Variants in MPP7 observed in about 807,000 individuals in gnomAD.
The protein encoded by MPP7 is MAGUK p55 subfamily member 7.
In MPP7, 60 loss-of-function variants were observed where a neutral mutation model predicts 76.5. That is an observed-to-expected ratio of 0.78 (90% CI 0.64 to 0.97). The LOEUF (loss-of-function observed/expected upper bound fraction) is 0.97, where lower values mean the gene tolerates loss of function less well. Ranked by LOEUF, MPP7 falls within the 50% of genes least tolerant of loss-of-function variation. The pLI is 0.00. For missense variants in MPP7, 641 were observed against 694.0 expected (o/e 0.92, Z 0.86); for synonymous variants, 237 against 244.5 (o/e 0.97, Z 0.29).
intron 2 of MPP7, among the ~76,000 whole-genome samples, chr10:28,317,027 A>G (rs1834331341): frequency 6.6e-6 from 1 of 152,162 alleles, no homozygotes; most frequent in Admixed American, 6.6e-5. Flanking sequence ...AAAAGGGGGA[A>G]GAACTGTGAG....
chr10:28,273,216 C>T (rs1284666003), intron 1 of MPP7, among the ~76,000 whole-genome samples: 1 of 152,134 alleles, frequency 6.6e-6, no homozygotes, highest in Non-Finnish European at 1.5e-5. Flanking sequence ...CCACACCCAG[C>T]CCCAAAATGT....
chr10:28,153,400 A>G (rs1207558221), intron 3 of MPP7, among the ~76,000 whole-genome samples: 1 of 152,222 alleles, frequency 6.6e-6, no homozygotes, highest in Non-Finnish European at 1.5e-5. Context: ...TTAATTTTAT[A>G]TAACAGTTAT....
intron 3 of MPP7, among the ~76,000 whole-genome samples, chr10:28,188,972 G>C (rs1054483615): frequency 2.0e-5 from 3 of 151,260 alleles, no homozygotes; most frequent in African/African-American, 7.3e-5. Context: ...TAAAAAGGAA[G>C]TTTGTCAGAG....
At chr10:28,317,332 A>C (rs1834333578) in intron 2 of MPP7, among the ~76,000 whole-genome samples, 1 of 152,178 alleles carries the variant, frequency 6.6e-6, no homozygotes, top group Admixed American at 6.5e-5. Context: ...GTCCAAGACC[A>C]ACCTGGGCAA....
chr10:28,057,407 G>A (rs1029244761), intron 15 of MPP7, among the ~76,000 whole-genome samples: 5 of 152,060 alleles, frequency 3.3e-5, no homozygotes, highest in East Asian at 3.9e-4. Flanking sequence ...GTCAGTTCTC[G>A]TGAGACCCTG....
intron 8 of MPP7, among the ~76,000 whole-genome samples, chr10:28,121,128 C>T (rs924370237): frequency 5.3e-5 from 8 of 152,010 alleles, no homozygotes; most frequent in Non-Finnish European, 1.2e-4. Context: ...TATAGCAAAA[C>T]CCCTGTCTCT....
chr10:28,122,513 C>T (rs189246758), intron 8 of MPP7, among the ~76,000 whole-genome samples: 4 of 152,240 alleles, frequency 2.6e-5, no homozygotes, highest in Admixed American at 2.6e-4. Context: ...TTTATCCCAT[C>T]CCCAAATCAT....
chr10:28,065,571 C>G (rs1851957016), intron 13 of MPP7, among the ~76,000 whole-genome samples: 1 of 152,150 alleles, frequency 6.6e-6, no homozygotes, highest in African/African-American at 2.4e-5. Context: ...GACTCCATCA[C>G]AGCTCACTGA....
rs539787363 is a variant in MPP7, at chr10:28,315,857, G to A, written c.-132+14072C>T. Among the ~76,000 whole-genome samples, 10 of 152,074 alleles carry A rather than the reference G, an allele frequency of 6.6e-5. 1 individual carries two copies. The South Asian group carries it at 8.3e-4, about 13-fold the overall frequency. On this transcript the variant is annotated intron_variant, in intron 2 of 11. Coordinates refer to the MPP7 transcript ENST00000441595. ...AGCACTATCTCAACCAGCTGATCAA[G>A]GTCAACATCAACAGTGATGAGAAGT... is the stretch of plus-strand genomic sequence containing the variant.
At chr10:28,065,959 TTTTAA>T (rs1851973907) in intron 13 of MPP7, among the ~76,000 whole-genome samples, 1 of 152,206 alleles carries the variant, frequency 6.6e-6, no homozygotes, top group Non-Finnish European at 1.5e-5. Flanking sequence ...ACCTATTTTA[TTTTAA>T]TTTAATGTAC....
chr10:28,159,393 C>T (rs1836181102), intron 3 of MPP7, among the ~76,000 whole-genome samples: 1 of 152,114 alleles, frequency 6.6e-6, no homozygotes, highest in Non-Finnish European at 1.5e-5. Context: ...AAAATTTATT[C>T]ACTTAAAATA....
At chr10:28,153,464 T>C (rs983990287) in intron 3 of MPP7, among the ~76,000 whole-genome samples, 5 of 152,104 alleles carry the variant, frequency 3.3e-5, no homozygotes, top group Non-Finnish European at 7.4e-5. Context: ...AAATGCACTA[T>C]TAAGAAAAAA....
intron 1 of MPP7, among the ~76,000 whole-genome samples, chr10:28,288,879 C>T (rs909880290): frequency 5.9e-5 from 9 of 152,246 alleles, no homozygotes; most frequent in African/African-American, 2.2e-4. Flanking sequence ...TGAGAAAGGG[C>T]CTTATGAGCA....
intron 5 of MPP7, among the ~76,000 whole-genome samples, chr10:28,141,153 G>C (rs1198358425): frequency 6.6e-6 from 1 of 151,878 alleles, no homozygotes; most frequent in Non-Finnish European, 1.5e-5. Flanking sequence ...TGATCACTTT[G>C]ATAAGTACCA....
intron 12 of MPP7, among the ~76,000 whole-genome samples, chr10:28,078,434 G>A (rs937131395): frequency 3.9e-5 from 6 of 152,184 alleles, no homozygotes; most frequent in African/African-American, 1.4e-4. Flanking sequence ...CTCAATTCAG[G>A]ACTGAGGAAA....
chr10:28,105,236 T>C lies in MPP7; in HGVS notation c.952+14415A>G, dbSNP rs770383179. Among the ~76,000 whole-genome samples, 219 of 68,436 alleles carry C rather than the reference T, an allele frequency of 3.2e-3. 1 individual carries two copies. The highest frequency in any genetic ancestry group is 3.4e-3 in the Non-Finnish European group (156 of 46,054). The allele number at this position is 68,436 out of a possible 152,430, so 44.9% of individuals were successfully genotyped here. On this transcript the variant is annotated intron_variant, in intron 11 of 16. Coordinates refer to ENST00000683449, the MANE Select transcript of MPP7 (RefSeq NM_001318170.2). ...AGACCTTAAGTTATCCATCTGCCAATAAGAATACATTTTGCACAACATCAG... is the reference window on the plus strand; with the variant it reads ...AGACCTTAAGTTATCCATCTGCCAACAAGAATACATTTTGCACAACATCAG...
intron 3 of MPP7, among the ~76,000 whole-genome samples, chr10:28,187,673 A>G (rs1489338898): frequency 6.6e-6 from 1 of 152,226 alleles, no homozygotes; most frequent in African/African-American, 2.4e-5. Flanking sequence ...AGTATCTTAT[A>G]AAATATTAAT....
chr10:28,287,905 G>A (rs377308059), intron 1 of MPP7, among the ~76,000 whole-genome samples: 110 of 152,044 alleles, frequency 7.2e-4, no homozygotes, highest in African/African-American at 2.5e-3. Context: ...ATTCCACACC[G>A]CAAATAAGCT....
At chr10:28,237,214 T>C (rs193052414) in intron 2 of MPP7, among the ~76,000 whole-genome samples, 37 of 152,358 alleles carry the variant, frequency 2.4e-4, no homozygotes, top group South Asian at 2.1e-3. Context: ...ACATATTCAT[T>C]ACACGACTGT....
Sources: gnomAD v4.1 joint callset for allele counts (sites outside exome capture counted in the v4.1 genomes callset) on GRCh38, gnomAD v4.1.1 for gene constraint, MANE v1.5 for transcripts, NCBI Gene and HGNC (gene_info 2026-07-23, HGNC 2026-07-21) for gene names.